The following STT3B variants were observed in gnomAD, a reference collection of about 807,000 sequenced individuals.
STT3B encodes the protein STT3 oligosaccharyltransferase complex catalytic subunit B.
In STT3B, 29 loss-of-function variants were observed where a neutral mutation model predicts 96.8. The ratio of observed to expected loss-of-function variants is 0.30; its 90% confidence interval spans 0.22 to 0.41. STT3B has a LOEUF of 0.41. STT3B is among the 10% of genes least tolerant of loss of function. The pLI, the probability that STT3B is intolerant of heterozygous loss-of-function variation, is 1.00. For synonymous variants in STT3B, 367 were observed against 360.0 expected, an observed-to-expected ratio of 1.02 and a Z score of -0.22; for missense variants, 640 against 1,022.3, an observed-to-expected ratio of 0.63 and a Z score of 5.10.
intron 1 of STT3B, among the ~76,000 whole-genome samples, chr3:31,558,355 C>G (rs1353079392): frequency 1.3e-5 from 2 of 152,080 alleles, no homozygotes; most frequent in African/African-American, 2.4e-5. Context: ...GTGTTTTATG[C>G]ATAGTCTGAG....
chr3:31,576,245 G>T, intron 1 of STT3B, 151 bp from the exon 2 acceptor site: 37 of 348,480 alleles, frequency 1.1e-4, no homozygotes, highest in East Asian at 1.5e-4. Flanking sequence ...AGAGGTATAA[G>T]CATGTTCTTT....
intron 1 of STT3B, among the ~76,000 whole-genome samples, chr3:31,543,355 C>T (rs542646572): frequency 1.3e-5 from 2 of 152,232 alleles, no homozygotes; most frequent in South Asian, 4.1e-4. Context: ...CATTTTTCCT[C>T]TAATGAATAT....
At chr3:31,533,876 A>G (rs1236243540) in intron 1 of STT3B, among the ~76,000 whole-genome samples, 1 of 152,136 alleles carries the variant, frequency 6.6e-6, no homozygotes, top group Non-Finnish European at 1.5e-5. Context: ...TTACGCTTTT[A>G]CTGTTTCTTT....
chr3:31,610,325 T>G (rs1261383033), intron 5 of STT3B, among the ~76,000 whole-genome samples: 2 of 152,192 alleles, frequency 1.3e-5, no homozygotes, highest in African/African-American at 4.8e-5. Flanking sequence ...ACTATTTTGG[T>G]TGAGAGAGAG....
intron 3 of STT3B, among the ~76,000 whole-genome samples, chr3:31,580,317 A>C (rs1698354181): frequency 6.6e-6 from 1 of 152,206 alleles, no homozygotes; most frequent in South Asian, 2.1e-4. Flanking sequence ...GAACTCCAAA[A>C]GAAGAGCTAT....
intron 3 of STT3B, among the ~76,000 whole-genome samples, chr3:31,585,750 T>G (rs555044293): frequency 6.6e-6 from 1 of 152,212 alleles, no homozygotes; most frequent in South Asian, 2.1e-4. Flanking sequence ...TGACCCTGTA[T>G]ATCCGTCTTC....
At chr3:31,612,928 A>T (rs1699217599) in intron 5 of STT3B, among the ~76,000 whole-genome samples, 2 of 152,194 alleles carry the variant, frequency 1.3e-5, no homozygotes. Flanking sequence ...ACTTAGAGGG[A>T]AATAAATAGG....
At chr3:31,557,865 C>T (rs1472957205) in intron 1 of STT3B, among the ~76,000 whole-genome samples, 3 of 152,266 alleles carry the variant, frequency 2.0e-5, no homozygotes, top group African/African-American at 2.4e-5. Context: ...CTCCTGACCT[C>T]GTGATCCGCC....
At chr3:31,599,219 A>G (rs1383536902) in intron 4 of STT3B, among the ~76,000 whole-genome samples, 2 of 152,176 alleles carry the variant, frequency 1.3e-5, no homozygotes, top group African/African-American at 2.4e-5. Flanking sequence ...CTTGTTTTGA[A>G]AATTAATGAC....
At chr3:31,546,265 C>A (rs1187363644) in intron 1 of STT3B, among the ~76,000 whole-genome samples, 1 of 151,114 alleles carries the variant, frequency 6.6e-6, no homozygotes, top group Non-Finnish European at 1.5e-5. Flanking sequence ...CCTTCAGCTT[C>A]ATGTGTCAGC....
chr3:31,573,291 C>T (rs1698199034), intron 1 of STT3B, among the ~76,000 whole-genome samples: 1 of 152,042 alleles, frequency 6.6e-6, no homozygotes, highest in African/African-American at 2.4e-5. Flanking sequence ...CAGAGAGTTG[C>T]AATATGATCA....
intron 1 of STT3B, among the ~76,000 whole-genome samples, chr3:31,539,938 A>G (rs1478907173): frequency 6.6e-6 from 1 of 152,188 alleles, no homozygotes; most frequent in African/African-American, 2.4e-5. Flanking sequence ...TATAACCCAC[A>G]GGATTTTTAG....
intron 1 of STT3B, among the ~76,000 whole-genome samples, chr3:31,535,659 G>T (rs748367006): frequency 6.6e-6 from 1 of 152,092 alleles, no homozygotes; most frequent in Non-Finnish European, 1.5e-5. Flanking sequence ...GGAGGCGAAG[G>T]TTGCAGTGAG....
intron 1 of STT3B, among the ~76,000 whole-genome samples, chr3:31,557,368 T>G (rs1697745750): frequency 6.6e-6 from 1 of 152,162 alleles, no homozygotes; most frequent in Non-Finnish European, 1.5e-5. Context: ...CCTTGGTTCT[T>G]TATTAATTTC....
intron 4 of STT3B, 79 bp downstream of exon 4, chr3:31,596,942 T>A: frequency 9.4e-7 from 1 of 1,066,176 alleles, no homozygotes; most frequent in Non-Finnish European, 1.4e-6. Flanking sequence ...CTGAAGTCTG[T>A]AGGATTTTTA....
At chr3:31,557,708 C>T (rs1239851782) in intron 1 of STT3B, among the ~76,000 whole-genome samples, 2 of 152,152 alleles carry the variant, frequency 1.3e-5, no homozygotes, top group African/African-American at 4.8e-5. Context: ...TCTCGGCTCA[C>T]TGCAAGCTCC....
At chr3:31,558,435 C>T (rs1419933546) in intron 1 of STT3B, among the ~76,000 whole-genome samples, 1 of 152,064 alleles carries the variant, frequency 6.6e-6, no homozygotes, top group African/African-American at 2.4e-5. Context: ...ATGTTTTCTC[C>T]TTATTGAGAT....
chr3:31,615,296 T>C (rs1043602311), intron 6 of STT3B, 93 bp downstream of exon 6: 1 of 949,244 alleles, frequency 1.1e-6, no homozygotes, highest in Non-Finnish European at 1.6e-6. Flanking sequence ...TCATTTTGGT[T>C]GTTGCAATGA....
At chr3:31,575,608 C>G (rs1437240252) in intron 1 of STT3B, among the ~76,000 whole-genome samples, 2 of 151,964 alleles carry the variant, frequency 1.3e-5, no homozygotes, top group African/African-American at 4.8e-5. Context: ...ATAAGGATTT[C>G]CTGTTCATCT....
Sources: gnomAD v4.1 joint callset for allele counts (sites outside exome capture counted in the v4.1 genomes callset) on GRCh38, gnomAD v4.1.1 for gene constraint, MANE v1.5 for transcripts, NCBI Gene and HGNC (gene_info 2026-07-23, HGNC 2026-07-21) for gene names.